Variants in MGAT4C observed in about 807,000 individuals in gnomAD.
MGAT4C encodes alpha-1,3-mannosyl-glycoprotein 4-beta-N-acetylglucosaminyltransferase C.
A neutral mutation model predicts 40.1 loss-of-function variants in MGAT4C; 19 were observed. The observed-to-expected ratio is 0.47, with a 90% CI of 0.33 to 0.70. The LOEUF is 0.70. MGAT4C is among the 30% of genes least tolerant of loss of function. MGAT4C has a pLI of 0.02. For missense variants in MGAT4C, 491 were observed against 563.2 expected, an observed-to-expected ratio of 0.87 and a Z score of 1.30; for synonymous variants, 181 against 187.1, an observed-to-expected ratio of 0.97 and a Z score of 0.27.
intron 2 of MGAT4C, among the ~76,000 whole-genome samples, chr12:86,676,122 A>C (rs1013239139): frequency 2.0e-5 from 3 of 152,172 alleles, no homozygotes; most frequent in Non-Finnish European, 4.4e-5. Flanking sequence ...AACCTGTGGG[A>C]GAAGGTGATA....
intron 3 of MGAT4C, among the ~76,000 whole-genome samples, chr12:86,343,501 T>C (rs1468936862): frequency 6.6e-6 from 1 of 152,206 alleles, no homozygotes; most frequent in Non-Finnish European, 1.5e-5. Context: ...GAAAAACATA[T>C]ATTTTATTGT....
chr12:86,276,372 T>C (rs1295954467), intron 4 of MGAT4C, among the ~76,000 whole-genome samples: 1 of 152,158 alleles, frequency 6.6e-6, no homozygotes, highest in Non-Finnish European at 1.5e-5. Context: ...CACCGCAAGG[T>C]AAATGGGATA....
intron 3 of MGAT4C, among the ~76,000 whole-genome samples, chr12:86,407,247 T>A (rs1956493287): frequency 6.6e-6 from 1 of 152,102 alleles, no homozygotes; most frequent in Non-Finnish European, 1.5e-5. Context: ...ACATTGTGCT[T>A]TAAAATATGT....
intron 1 of MGAT4C, among the ~76,000 whole-genome samples, chr12:86,243,806 T>G (rs1951898147): frequency 6.6e-6 from 1 of 152,164 alleles, no homozygotes. Flanking sequence ...GACCCATGAA[T>G]AAAAGACCTA....
intron 2 of MGAT4C, among the ~76,000 whole-genome samples, chr12:85,990,554 C>G (rs1312429547): frequency 1.3e-5 from 2 of 152,048 alleles, no homozygotes; most frequent in Admixed American, 6.5e-5. Flanking sequence ...AGAACTATGC[C>G]TAGAACATAG....
At chr12:86,437,896 T>G (rs1265734033) in intron 2 of MGAT4C, among the ~76,000 whole-genome samples, 1 of 151,936 alleles carries the variant, frequency 6.6e-6, no homozygotes, top group Non-Finnish European at 1.5e-5. Flanking sequence ...CTCATCTTTC[T>G]TCTTCTACTA....
At chr12:86,295,844 A>G (rs1174732156) in intron 4 of MGAT4C, among the ~76,000 whole-genome samples, 2 of 152,060 alleles carry the variant, frequency 1.3e-5, no homozygotes, top group Admixed American at 1.3e-4. Flanking sequence ...ACAAACCTTG[A>G]GCTAAACACA....
intron 2 of MGAT4C, among the ~76,000 whole-genome samples, chr12:86,643,118 G>A (rs1440360370): frequency 6.6e-6 from 1 of 151,552 alleles, no homozygotes; most frequent in Non-Finnish European, 1.5e-5. Flanking sequence ...AAGGCAGGAG[G>A]GCAAGAGAGC....
chr12:86,359,368 G>C (rs1209826194), intron 3 of MGAT4C, among the ~76,000 whole-genome samples: 1 of 152,094 alleles, frequency 6.6e-6, no homozygotes, highest in Non-Finnish European at 1.5e-5. Context: ...GCCCACAAGA[G>C]AAAGAGGAAA....
At chr12:86,338,958 CAAAAAAAA>C (rs67462771) in intron 3 of MGAT4C, among the ~76,000 whole-genome samples, 1 of 66,118 alleles carries the variant, frequency 1.5e-5, no homozygotes, top group African/African-American at 6.1e-5. Context: ...GACTCCATCT[CAAAAAAAA>C]AAAAAAAAAA....
At chr12:86,049,605 AT>A in intron 2 of MGAT4C, 68 bp downstream of exon 2, 1 of 795,710 alleles carries the variant, frequency 1.3e-6, no homozygotes. Flanking sequence ...TACTTATTAA[AT>A]ATTTTTGATA....
chr12:86,296,383 A>G (rs1953676525), intron 4 of MGAT4C, among the ~76,000 whole-genome samples: 1 of 152,180 alleles, frequency 6.6e-6, no homozygotes, highest in African/African-American at 2.4e-5. Flanking sequence ...GCTGCCTGCC[A>G]GTCCCGTGCC....
At position 86,277,745 on chromosome 12, in the gene MGAT4C, T is replaced by C. The variant is rs143496855; in HGVS notation, c.-57+56320A>G. Among the ~76,000 whole-genome samples the C allele has an allele frequency of 8.1e-3, 1,227 of 152,304 alleles. 6 individuals carry two copies. Among genetic ancestry groups the C allele is most frequent in the Non-Finnish European group, 0.014 (983 of 68,012 alleles). On this transcript the variant is annotated intron_variant, in intron 4 of 7. Coordinates refer to the MGAT4C transcript ENST00000548651. ...TTTCTGGGTTCTCTGTTCTGTTCCA[T>C]TGGTCTATGTGTCTTTTTTTATGTT...
chr12:86,103,333 T>C (rs1194677686), intron 1 of MGAT4C, among the ~76,000 whole-genome samples: 1 of 152,140 alleles, frequency 6.6e-6, no homozygotes, highest in African/African-American at 2.4e-5. Context: ...TGGCCCCAAG[T>C]ATATGCATGG....
intron 3 of MGAT4C, among the ~76,000 whole-genome samples, chr12:86,345,634 C>T (rs1451366878): frequency 6.6e-6 from 1 of 152,082 alleles, no homozygotes; most frequent in African/African-American, 2.4e-5. Flanking sequence ...CATAGTATTC[C>T]ATGGTGTATA....
In MGAT4C at chr12:86,431,956, CAGAG is replaced by C. The variant is rs143727218; in HGVS notation, c.-120+3197_-120+3200del. Among the ~76,000 whole-genome samples the C allele has an allele frequency of 2.0e-5, 3 of 149,922 alleles. No homozygotes were observed. In the Admixed American group the frequency reaches 2.0e-4, roughly 10 times the overall value. On this transcript the variant is annotated intron_variant, in intron 3 of 7. Coordinates refer to the MGAT4C transcript ENST00000548651. The stretch of plus-strand genomic sequence containing the variant: ...ATGGAGAGAAGAGGAAAGAGCGAGA[CAGAG>C]AGAGAGAGAGAGGAAGTATTAGGTC...
chr12:86,308,561 A>C (rs931094225), intron 4 of MGAT4C, among the ~76,000 whole-genome samples: 1 of 150,676 alleles, frequency 6.6e-6, no homozygotes. Context: ...TTGTTGTTTC[A>C]CGAAAAGCTT....
intron 3 of MGAT4C, among the ~76,000 whole-genome samples, chr12:86,406,687 C>A (rs1008860720): frequency 6.6e-6 from 1 of 151,844 alleles, no homozygotes; most frequent in Non-Finnish European, 1.5e-5. Context: ...TACAACCACT[C>A]TGGAAATCAG....
intron 1 of MGAT4C, among the ~76,000 whole-genome samples, chr12:86,237,114 C>T (rs894689559): frequency 6.6e-6 from 1 of 150,638 alleles, no homozygotes; most frequent in East Asian, 1.9e-4. Context: ...TTAATATAAA[C>T]ATAATAAGGA....
Sources: gnomAD v4.1 joint callset for allele counts (sites outside exome capture counted in the v4.1 genomes callset) on GRCh38, gnomAD v4.1.1 for gene constraint, MANE v1.5 for transcripts, NCBI Gene and HGNC (gene_info 2026-07-23, HGNC 2026-07-21) for gene names.